C1QTNF3: variants seen among roughly 807,000 people sequenced by gnomAD.
C1QTNF3 encodes the protein C1q and TNF related 3.
Under a neutral mutation model 32.6 loss-of-function variants are expected in C1QTNF3, and 26 were observed. The ratio of observed to expected loss-of-function variants is 0.80; its 90% CI spans 0.58 to 1.11. C1QTNF3 has a LOEUF of 1.11. Among genes scored for constraint, C1QTNF3 ranks in the 50% least tolerant of loss-of-function variants. The pLI is 0.00. For synonymous variants in C1QTNF3, 155 were observed against 146.0 expected (o/e 1.06, Z -0.44); for missense variants, 362 against 398.2 (o/e 0.91, Z 0.77).
the C1QTNF3 span, among the ~76,000 whole-genome samples, chr5:34,074,134 A>G: frequency 6.6e-6 from 1 of 152,212 alleles, no homozygotes; most frequent in Admixed American, 6.5e-5. Flanking sequence ...AAAACAAACT[A>G]TCAGATATTA....
At chr5:34,070,973 A>G in the C1QTNF3 span, among the ~76,000 whole-genome samples, 1 of 152,236 alleles carries the variant, frequency 6.6e-6, no homozygotes. Context: ...GTCAATAAGC[A>G]TTAGCTATCG....
chr5:34,174,189 C>T, the C1QTNF3 span, among the ~76,000 whole-genome samples: 125 of 152,342 alleles, frequency 8.2e-4, 1 homozygote, highest in Middle Eastern at 3.4e-3. Context: ...TCCTGAGTAA[C>T]TGGGACTACA....
chr5:34,194,433 A>G, the C1QTNF3 span, among the ~76,000 whole-genome samples: 1 of 152,368 alleles, frequency 6.6e-6, no homozygotes, highest in East Asian at 1.9e-4. Context: ...GCTCGAGAAC[A>G]ACAGGATGCT....
At chr5:34,129,510 T>C in the C1QTNF3 span, among the ~76,000 whole-genome samples, 1 of 152,168 alleles carries the variant, frequency 6.6e-6, no homozygotes, top group Admixed American at 6.5e-5. Context: ...TTAGAGGCGA[T>C]GGGTATGAAC....
At chr5:34,201,986 G>A in the C1QTNF3 span, among the ~76,000 whole-genome samples, 2 of 152,122 alleles carry the variant, frequency 1.3e-5, no homozygotes, top group African/African-American at 4.8e-5. Flanking sequence ...CAAGGATATT[G>A]AATCCTACCA....
the C1QTNF3 span, among the ~76,000 whole-genome samples, chr5:34,217,025 T>C: frequency 2.6e-5 from 4 of 152,164 alleles, no homozygotes; most frequent in Non-Finnish European, 1.5e-5. Context: ...CTCCAGTGTT[T>C]AACAGACACT....
At chr5:34,140,126 T>C in the C1QTNF3 span, among the ~76,000 whole-genome samples, 356 of 152,004 alleles carry the variant, frequency 2.3e-3, 2 homozygotes, top group African/African-American at 7.7e-3. Context: ...CAGCGGAGAG[T>C]TGAAGATTTG....
chr5:34,062,560 A>G, the C1QTNF3 span, among the ~76,000 whole-genome samples: 2 of 152,192 alleles, frequency 1.3e-5, no homozygotes, highest in African/African-American at 2.4e-5. Flanking sequence ...AACAGCTCAC[A>G]CGTTTGAGCA....
chr5:34,239,383 G>A, the C1QTNF3 span: 1 of 152,154 alleles, frequency 6.6e-6, no homozygotes, highest in Non-Finnish European at 1.5e-5. Flanking sequence ...ACCATCTGTA[G>A]TCTTCAAGAG....
the C1QTNF3 span, among the ~76,000 whole-genome samples, chr5:34,214,062 G>A: frequency 4.0e-4 from 60 of 149,836 alleles, no homozygotes; most frequent in African/African-American, 1.4e-3. Flanking sequence ...CTACCCCCTC[G>A]GCCTCCCAAA....
the C1QTNF3 span, among the ~76,000 whole-genome samples, chr5:34,127,482 T>C: frequency 6.6e-6 from 1 of 152,166 alleles, no homozygotes; most frequent in East Asian, 1.9e-4. Flanking sequence ...CTCCTAGAGA[T>C]CTGTTAAGCT....
chr5:34,178,508 G>A, the C1QTNF3 span, among the ~76,000 whole-genome samples: 1 of 152,418 alleles, frequency 6.6e-6, no homozygotes, highest in African/African-American at 2.4e-5. Flanking sequence ...CAGAGATCTG[G>A]CATTTCAATA....
At chr5:34,155,770 T>A in the C1QTNF3 span, among the ~76,000 whole-genome samples, 1 of 152,040 alleles carries the variant, frequency 6.6e-6, no homozygotes, top group Non-Finnish European at 1.5e-5. Flanking sequence ...AAATCTTGAC[T>A]GTTGTTTTAC....
the C1QTNF3 span, among the ~76,000 whole-genome samples, chr5:34,069,923 C>A: frequency 3.3e-5 from 5 of 152,196 alleles, no homozygotes; most frequent in Non-Finnish European, 7.3e-5. Flanking sequence ...CAGGCTTCAG[C>A]TCTATCAGTG....
At chr5:34,031,270 T>G (rs1267976299) in intron 3 of C1QTNF3, among the ~76,000 whole-genome samples, 1 of 152,200 alleles carries the variant, frequency 6.6e-6, no homozygotes, top group African/African-American at 2.4e-5. Context: ...CTTCACAATC[T>G]GTGTAAGACC....
chr5:34,213,231 G>C, the C1QTNF3 span, among the ~76,000 whole-genome samples: 1,920 of 152,096 alleles, frequency 0.013, 45 homozygotes, highest in African/African-American at 0.044. Context: ...ATTATTATAG[G>C]GTTGAAAAAT....
intron 2 of C1QTNF3, 69 bp downstream of exon 2, chr5:34,035,577 AG>A (rs1183831463): frequency 3.0e-5 from 34 of 1,116,208 alleles, no homozygotes; most frequent in Non-Finnish European, 4.5e-5. Context: ...CAAATTATTA[AG>A]GTTTGCCCTT....
chr5:34,067,685 G>GCCCT, the C1QTNF3 span, among the ~76,000 whole-genome samples: 1 of 152,140 alleles, frequency 6.6e-6, no homozygotes, highest in Non-Finnish European at 1.5e-5. Flanking sequence ...TTTGGATAGG[G>GCCCT]ACACATTAAA....
the C1QTNF3 span, among the ~76,000 whole-genome samples, chr5:34,056,402 A>G: frequency 2.3e-5 from 3 of 128,790 alleles, no homozygotes; most frequent in African/African-American, 8.3e-5. Flanking sequence ...ACCATGACAT[A>G]TATATATATG....
Sources: allele counts gnomAD v4.1 joint callset (sites outside exome capture counted in the v4.1 genomes callset), GRCh38; gene constraint gnomAD v4.1.1; transcripts MANE v1.5; gene names NCBI Gene and HGNC (gene_info 2026-07-23, HGNC 2026-07-21).